Variants in CNOT10 observed in about 807,000 individuals in gnomAD.
CNOT10 encodes CCR4-NOT transcription complex, subunit 10.
In CNOT10, 30 loss-of-function variants were observed where a neutral mutation model predicts 94.6. The ratio of observed to expected loss-of-function variants is 0.32; its 90% CI spans 0.24 to 0.43. The LOEUF is 0.43. CNOT10 is among the 20% of genes least tolerant of loss of function. The pLI is 1.00. For missense variants in CNOT10, 759 were observed against 877.2 expected (o/e 0.87, Z 1.70); for synonymous variants, 289 against 301.6 (o/e 0.96, Z 0.43).
chr3:32,761,780 G>A (rs67497677), intron 14 of CNOT10, among the ~76,000 whole-genome samples: 30,526 of 137,276 alleles, frequency 0.22, 4,222 homozygotes, highest in African/African-American at 0.41. Context: ...ATGAGCCACC[G>A]CACCTGGCTA....
chr3:32,755,555 T>G (rs1050813441), intron 13 of CNOT10, among the ~76,000 whole-genome samples: 2 of 151,946 alleles, frequency 1.3e-5, no homozygotes, highest in Admixed American at 6.6e-5. Flanking sequence ...CTTTGTAAAT[T>G]TATTTTCCTT....
At chr3:32,735,114 A>G in intron 12 of CNOT10, 138 bp downstream of exon 12, 2 of 725,310 alleles carry the variant, frequency 2.8e-6, no homozygotes, top group Non-Finnish European at 4.5e-6. Flanking sequence ...AAAGGAAAGT[A>G]TTTATGTTTC....
At chr3:32,760,053 G>A (rs910630911) in intron 14 of CNOT10, among the ~76,000 whole-genome samples, 1 of 151,758 alleles carries the variant, frequency 6.6e-6, no homozygotes, top group African/African-American at 2.4e-5. Context: ...GTAGTGGCGG[G>A]CACCTGTAAT....
intron 8 of CNOT10, among the ~76,000 whole-genome samples, chr3:32,725,047 A>T (rs1485067018): frequency 6.6e-6 from 1 of 152,256 alleles, no homozygotes; most frequent in Admixed American, 6.5e-5. Flanking sequence ...CAGTTACTAA[A>T]AATTAGCTGG....
intron 8 of CNOT10, among the ~76,000 whole-genome samples, chr3:32,721,429 C>CT (rs58351356): frequency 0.83 from 60,002 of 72,204 alleles, 25,614 homozygotes; most frequent in South Asian, 0.94. Context: ...TTTCTTTCAT[C>CT]TTTTTTTTTT....
intron 1 of CNOT10, among the ~76,000 whole-genome samples, chr3:32,698,405 G>A (rs1486339966): frequency 1.9e-4 from 29 of 152,220 alleles, no homozygotes; most frequent in African/African-American, 5.1e-4. Context: ...TATAAGTGGT[G>A]ACTCTCAAAA....
At chr3:32,687,231 T>A (rs1442491868) in intron 1 of CNOT10, among the ~76,000 whole-genome samples, 2 of 151,992 alleles carry the variant, frequency 1.3e-5, no homozygotes, top group African/African-American at 4.8e-5. Flanking sequence ...TGAGTAGTCT[T>A]CTCACTGGTG....
chr3:32,749,478 C>T (rs1294747929), intron 13 of CNOT10, among the ~76,000 whole-genome samples: 3 of 145,380 alleles, frequency 2.1e-5, no homozygotes, highest in Non-Finnish European at 3.0e-5. Context: ...GGCATGATCT[C>T]GGCTCACCTC....
Position 32,687,442 on chromosome 3 carries a change from T to TTTTTTTTG in CNOT10, c.22+1967_22+1968insGTTTTTTT, listed in dbSNP as rs1553626986. Among the ~76,000 whole-genome samples, 4 of 83,846 alleles carry TTTTTTTTG rather than the reference T, an allele frequency of 4.8e-5. 1 individual carries two copies. The highest frequency in any genetic ancestry group is 2.1e-4 in the African/African-American group (4 of 18,660). The allele number at this position is 83,846 out of a possible 152,430, so 55.0% of individuals were successfully genotyped here. On this transcript the variant is annotated intron_variant, in intron 1 of 18. Coordinates refer to ENST00000328834, the MANE Select transcript of CNOT10 (RefSeq NM_015442.3). ...TTTCTCCTTTTAAGTCCTCACGGTTTTTTTTTTTTGTTTTTTTTTTTTTTT... is the reference window on the plus strand; with the variant it reads ...TTTCTCCTTTTAAGTCCTCACGGTTTTTTTTTTGTTTTTTTTTGTTTTTTTTTTTTTTT...
chr3:32,757,671 A>C (rs969880422), intron 13 of CNOT10, among the ~76,000 whole-genome samples: 1 of 152,214 alleles, frequency 6.6e-6, no homozygotes, highest in African/African-American at 2.4e-5. Flanking sequence ...ACACAGACCT[A>C]ACTACTAACA....
chr3:32,726,474 C>G (rs1391655709), intron 9 of CNOT10, among the ~76,000 whole-genome samples: 1 of 151,970 alleles, frequency 6.6e-6, no homozygotes. Context: ...GTGGGCAGAT[C>G]ACGAGGTCAG....
chr3:32,688,960 C>T (rs1696739178), intron 1 of CNOT10, among the ~76,000 whole-genome samples: 1 of 151,962 alleles, frequency 6.6e-6, no homozygotes, highest in Non-Finnish European at 1.5e-5. Context: ...AATCCCAGCA[C>T]TTTGGGAGGC....
At chr3:32,691,648 A>G (rs558743798) in intron 1 of CNOT10, among the ~76,000 whole-genome samples, 2 of 152,246 alleles carry the variant, frequency 1.3e-5, no homozygotes, top group African/African-American at 2.4e-5. Flanking sequence ...TATAAACATC[A>G]TAACACTTCA....
chr3:32,730,020 G>A (rs1698871769), intron 10 of CNOT10, among the ~76,000 whole-genome samples: 1 of 151,624 alleles, frequency 6.6e-6, no homozygotes, highest in East Asian at 1.9e-4. Context: ...CGCCCGCCTC[G>A]GCCTCCCAAA....
At chr3:32,689,001 G>A (rs568616272) in intron 1 of CNOT10, among the ~76,000 whole-genome samples, 2 of 152,000 alleles carry the variant, frequency 1.3e-5, no homozygotes, top group Admixed American at 6.6e-5. Context: ...TCAAGAGATC[G>A]AGACCATCCT....
intron 11 of CNOT10, 32 bp from the exon 12 acceptor site, chr3:32,734,768 C>G: frequency 1.3e-6 from 2 of 1,498,812 alleles, no homozygotes; most frequent in East Asian, 2.3e-5. Flanking sequence ...AATATTTTAT[C>G]CACTTAGCTA....
chr3:32,729,569 A>T (rs1698840961), intron 10 of CNOT10, among the ~76,000 whole-genome samples: 1 of 152,140 alleles, frequency 6.6e-6, no homozygotes, highest in South Asian at 2.1e-4. Context: ...AAGGGGATTA[A>T]AGAAGTGTGT....
chr3:32,746,822 G>A (rs574331305), intron 13 of CNOT10, among the ~76,000 whole-genome samples: 1 of 130,576 alleles, frequency 7.7e-6, no homozygotes, highest in South Asian at 2.5e-4. Context: ...GGGCGACAGA[G>A]CGAGACTCCG....
chr3:32,747,809 G>A (rs971568836), intron 13 of CNOT10, among the ~76,000 whole-genome samples: 1 of 152,138 alleles, frequency 6.6e-6, no homozygotes, highest in Non-Finnish European at 1.5e-5. Flanking sequence ...TTAGCTGGGC[G>A]TAGTGGCGCG....
Sources: allele counts gnomAD v4.1 joint callset (sites outside exome capture counted in the v4.1 genomes callset), GRCh38; gene constraint gnomAD v4.1.1; transcripts MANE v1.5; gene names NCBI Gene and HGNC (gene_info 2026-07-23, HGNC 2026-07-21).